The following PEX5L variants were observed in gnomAD, a reference collection of about 807,000 sequenced individuals.
PEX5L encodes the protein peroxisomal biogenesis factor 5 like.
PEX5L carries 30 observed loss-of-function variants against 84.0 expected under a neutral mutation model. The ratio of observed to expected loss-of-function variants is 0.36; its 90% confidence interval spans 0.27 to 0.48. PEX5L has a LOEUF of 0.48. PEX5L is among the 20% of genes least tolerant of loss of function. The pLI is 0.99. For missense variants in PEX5L, 533 were observed against 754.6 expected (o/e 0.71, Z 3.44); for synonymous variants, 270 against 283.1 (o/e 0.95, Z 0.46).
At chr3:179,897,811 G>C (rs1300782072) in intron 3 of PEX5L, among the ~76,000 whole-genome samples, 3 of 151,748 alleles carry the variant, frequency 2.0e-5, no homozygotes, top group East Asian at 3.9e-4. Context: ...CAAATGTACT[G>C]TTAGCTTAAT....
intron 5 of PEX5L, among the ~76,000 whole-genome samples, chr3:179,878,975 G>A (rs572045527): frequency 6.6e-6 from 1 of 152,260 alleles, no homozygotes; most frequent in East Asian, 1.9e-4. Flanking sequence ...CTGAACAAAT[G>A]AATAAATTAA....
intron 8 of PEX5L, among the ~76,000 whole-genome samples, chr3:179,857,898 A>C (rs1166823057): frequency 6.6e-6 from 1 of 152,248 alleles, no homozygotes; most frequent in Non-Finnish European, 1.5e-5. Flanking sequence ...ATTCAAGAGC[A>C]CTAAATATTC....
At chr3:179,840,489 T>C (rs901705844) in intron 8 of PEX5L, among the ~76,000 whole-genome samples, 1 of 152,014 alleles carries the variant, frequency 6.6e-6, no homozygotes, top group African/African-American at 2.4e-5. Context: ...GTGCCCAGCC[T>C]ACTGTCAGGT....
chr3:179,844,712 C>T (rs1053458027), intron 8 of PEX5L, among the ~76,000 whole-genome samples: 1 of 152,130 alleles, frequency 6.6e-6, no homozygotes, highest in Non-Finnish European at 1.5e-5. Flanking sequence ...CGCCTGTAGT[C>T]CCAGCTACTC....
At chr3:179,860,973 C>T (rs528677955) in intron 7 of PEX5L, among the ~76,000 whole-genome samples, 6 of 152,250 alleles carry the variant, frequency 3.9e-5, no homozygotes, top group Non-Finnish European at 5.9e-5. Context: ...CCTGGGGGGC[C>T]GTTGCATAGG....
chr3:180,016,648 C>A (rs1789974213), intron 1 of PEX5L, among the ~76,000 whole-genome samples: 1 of 152,320 alleles, frequency 6.6e-6, no homozygotes, highest in East Asian at 1.9e-4. Context: ...AATGCCTGAC[C>A]TTGACCTTCA....
intron 3 of PEX5L, 191 bp from the exon 4 acceptor site, chr3:179,887,975 A>G: frequency 1.5e-6 from 1 of 686,064 alleles, no homozygotes. Flanking sequence ...TAGCACTGTC[A>G]ACATATTTTT....
intron 2 of PEX5L, among the ~76,000 whole-genome samples, chr3:179,903,149 G>A (rs1761978499): frequency 2.0e-5 from 3 of 152,100 alleles, no homozygotes. Flanking sequence ...AAGCCTACAA[G>A]TATGAATATA....
chr3:179,942,193 G>A (rs1776326728), intron 2 of PEX5L, among the ~76,000 whole-genome samples: 1 of 152,100 alleles, frequency 6.6e-6, no homozygotes, highest in South Asian at 2.1e-4. Flanking sequence ...ACTGGCCTCC[G>A]GACTGAAATT....
At chr3:179,874,182 T>G in intron 7 of PEX5L, 145 bp downstream of exon 7, 1 of 467,432 alleles carries the variant, frequency 2.1e-6, no homozygotes, top group East Asian at 4.0e-5. Context: ...ATTTTAAGTA[T>G]TGAGATAGCT....
At chr3:179,887,025 T>C (rs181673674) in intron 4 of PEX5L, among the ~76,000 whole-genome samples, 10 of 152,326 alleles carry the variant, frequency 6.6e-5, no homozygotes, top group Admixed American at 3.9e-4. Flanking sequence ...ACAAGGGAAG[T>C]GTAATTTATG....
intron 1 of PEX5L, among the ~76,000 whole-genome samples, chr3:180,025,674 G>C (rs1390416738): frequency 1.3e-5 from 2 of 151,538 alleles, no homozygotes; most frequent in African/African-American, 4.9e-5. Flanking sequence ...TTGAGGACGA[G>C]GAAATAAAAA....
intron 1 of PEX5L, among the ~76,000 whole-genome samples, chr3:179,989,006 G>C (rs569326507): frequency 6.6e-6 from 1 of 152,176 alleles, no homozygotes; most frequent in South Asian, 2.1e-4. Flanking sequence ...CAAAGAATGG[G>C]GGATGGACTT....
At chr3:179,867,340 T>A (rs938643627) in intron 7 of PEX5L, among the ~76,000 whole-genome samples, 1 of 152,162 alleles carries the variant, frequency 6.6e-6, no homozygotes, top group Non-Finnish European at 1.5e-5. Flanking sequence ...TAAATTTGAT[T>A]AGTTGTTTTC....
intron 7 of PEX5L, among the ~76,000 whole-genome samples, chr3:179,867,195 T>C (rs771749973): frequency 5.3e-5 from 8 of 152,098 alleles, no homozygotes; most frequent in Non-Finnish European, 1.0e-4. Context: ...GGCAAATAAG[T>C]GCTGATTTGT....
intron 2 of PEX5L, chr3:179,902,626 G>A (rs923027329): frequency 2.2e-6 from 1 of 455,312 alleles, no homozygotes; most frequent in Admixed American, 2.4e-5. Context: ...CTTATTAAAT[G>A]CTAGCTAAAT....
At chr3:179,834,879 A>G (rs1243112007) in intron 8 of PEX5L, among the ~76,000 whole-genome samples, 1 of 152,198 alleles carries the variant, frequency 6.6e-6, no homozygotes, top group Non-Finnish European at 1.5e-5. Context: ...GGGTCTTTGC[A>G]GATGTAATCA....
intron 1 of PEX5L, among the ~76,000 whole-genome samples, chr3:180,031,413 T>C (rs1791455082): frequency 6.6e-6 from 1 of 152,220 alleles, no homozygotes; most frequent in African/African-American, 2.4e-5. Flanking sequence ...CCCCACTTCA[T>C]AGCACTCTGG....
At chr3:179,983,152 T>A (rs926206424) in intron 1 of PEX5L, among the ~76,000 whole-genome samples, 8 of 152,026 alleles carry the variant, frequency 5.3e-5, no homozygotes, top group African/African-American at 1.9e-4. Context: ...TGCATAAATA[T>A]ACATATTTAT....
Sources: gnomAD v4.1 joint callset for allele counts (sites outside exome capture counted in the v4.1 genomes callset) on GRCh38, gnomAD v4.1.1 for gene constraint, MANE v1.5 for transcripts, NCBI Gene and HGNC (gene_info 2026-07-23, HGNC 2026-07-21) for gene names.